Variants in KCNH7 observed in about 807,000 individuals in gnomAD.
The protein encoded by KCNH7 is voltage-gated inwardly rectifying potassium channel KCNH7.
A neutral mutation model predicts 120.8 loss-of-function variants in KCNH7; 49 were observed. That is an observed-to-expected ratio of 0.41 (90% CI 0.32 to 0.51). The LOEUF is 0.51. Ranked by LOEUF, KCNH7 falls within the 20% of genes least tolerant of loss-of-function variation. The pLI is 0.38. For missense variants in KCNH7, 1,097 were observed against 1,446.6 expected (o/e 0.76, Z 3.92); for synonymous variants, 547 against 516.1 (o/e 1.06, Z -0.81).
intron 2 of KCNH7, among the ~76,000 whole-genome samples, chr2:162,577,132 C>T (rs897210191): frequency 2.0e-5 from 3 of 151,788 alleles, no homozygotes; most frequent in African/African-American, 7.3e-5. Context: ...GTTGTTCAGG[C>T]TGTTCCTGAA....
At chr2:162,825,750 T>G (rs948870235) in intron 2 of KCNH7, among the ~76,000 whole-genome samples, 2 of 152,058 alleles carry the variant, frequency 1.3e-5, no homozygotes, top group African/African-American at 2.4e-5. Flanking sequence ...AAATTTTATG[T>G]AATCATTAAA....
intron 13 of KCNH7, among the ~76,000 whole-genome samples, chr2:162,382,536 T>C (rs1263916391): frequency 6.6e-6 from 1 of 152,056 alleles, no homozygotes; most frequent in Admixed American, 6.6e-5. Context: ...AGTAGACAAT[T>C]TTCCTAGAGT....
chr2:162,787,523 A>G (rs1683756452), intron 2 of KCNH7, among the ~76,000 whole-genome samples: 1 of 152,092 alleles, frequency 6.6e-6, no homozygotes, highest in African/African-American at 2.4e-5. Flanking sequence ...TGGATCTTGG[A>G]CCCAGGTCCA....
At chr2:162,645,303 A>C (rs1235074764) in intron 2 of KCNH7, among the ~76,000 whole-genome samples, 1 of 152,054 alleles carries the variant, frequency 6.6e-6, no homozygotes, top group Non-Finnish European at 1.5e-5. Context: ...ACGTGCCACC[A>C]TACCCAGCTA....
chr2:162,608,975 A>G (rs969318858), intron 2 of KCNH7, among the ~76,000 whole-genome samples: 1 of 152,214 alleles, frequency 6.6e-6, no homozygotes, highest in Admixed American at 6.5e-5. Flanking sequence ...AACACTTATA[A>G]TAACAGACCA....
chr2:162,397,341 G>C (rs115748912), intron 10 of KCNH7, among the ~76,000 whole-genome samples: 20 of 151,818 alleles, frequency 1.3e-4, no homozygotes, highest in African/African-American at 4.3e-4. Context: ...TTTCTGTCTC[G>C]GGATGGTCTC....
chr2:162,626,401 G>T (rs1010790656), intron 2 of KCNH7, among the ~76,000 whole-genome samples: 1 of 152,064 alleles, frequency 6.6e-6, no homozygotes, highest in South Asian at 2.1e-4. Flanking sequence ...TTTGAAAATG[G>T]AAGATACTGC....
chr2:162,552,964 T>G (rs1167292237), intron 2 of KCNH7, among the ~76,000 whole-genome samples: 1 of 152,206 alleles, frequency 6.6e-6, no homozygotes, highest in African/African-American at 2.4e-5. Context: ...CAGCCCGACT[T>G]CTGACCTACA....
chr2:162,666,572 C>T (rs951399819), intron 2 of KCNH7, among the ~76,000 whole-genome samples: 1 of 152,062 alleles, frequency 6.6e-6, no homozygotes, highest in Non-Finnish European at 1.5e-5. Flanking sequence ...TTCTTTTTCT[C>T]CCACACCTCA....
At chr2:162,606,412 C>T (rs1682775737) in intron 2 of KCNH7, among the ~76,000 whole-genome samples, 1 of 152,068 alleles carries the variant, frequency 6.6e-6, no homozygotes, top group Non-Finnish European at 1.5e-5. Context: ...TTGATTTAAC[C>T]AGCAGTAAAT....
chr2:162,553,824 G>A (rs1692767119), intron 2 of KCNH7, among the ~76,000 whole-genome samples: 1 of 152,096 alleles, frequency 6.6e-6, no homozygotes, highest in African/African-American at 2.4e-5. Flanking sequence ...AACAGACAAG[G>A]TCCCCACATG....
In KCNH7 at chr2:162,400,250, A is replaced by C; in HGVS notation, c.2346T>G (p.Leu782=). The change falls in exon 10 of 16, where the codon CTT becomes CTG. Residue 782 remains leucine, a synonymous_variant. Transcript: ENST00000332142. ...CAATGGAGCCTCTGGATAAGAAATA[A>C]AGTGCAGTGAGGACATCCCCACAGT... ...LVHCGDVLTA[L]YFLSRGSIEI... is the part of the protein sequence containing the mutation. 1 of 1,612,308 alleles carries C rather than the reference A, an allele frequency of 6.2e-7. No individual in the cohort carries two copies. Among genetic ancestry groups the C allele is most frequent in the Non-Finnish European group, 8.5e-7 (1 of 1,178,914 alleles).
intron 3 of KCNH7, among the ~76,000 whole-genome samples, chr2:162,535,726 C>A (rs187330750): frequency 6.6e-6 from 1 of 151,528 alleles, no homozygotes; most frequent in Non-Finnish European, 1.5e-5. Flanking sequence ...CAAAAAATAA[C>A]CTCAACCTTC....
At chr2:162,651,577 C>T (rs1041434140) in intron 2 of KCNH7, among the ~76,000 whole-genome samples, 1 of 152,012 alleles carries the variant, frequency 6.6e-6, no homozygotes, top group Admixed American at 6.6e-5. Context: ...TGTATATGTT[C>T]TACATTTTCT....
rs1026442472 is a variant in KCNH7 at position 162,654,414 on chromosome 2, C to T, written c.308-117334G>A. ...TGAAAAAATGTCCAACATCACTAATCATCAGAGAAAGGCAAATTAAACCCA... is the reference window on the plus strand; with the variant it reads ...TGAAAAAATGTCCAACATCACTAATTATCAGAGAAAGGCAAATTAAACCCA... On this transcript the variant is annotated intron_variant, in intron 2 of 15. Transcript: ENST00000332142. Among the ~76,000 whole-genome samples the T allele has an allele frequency of 1.1e-4, 17 of 150,988 alleles. 1 individual carries two copies. The East Asian group carries it at 2.1e-3, about 19-fold the overall frequency.
chr2:162,389,354 T>G (rs1189743585), intron 12 of KCNH7, among the ~76,000 whole-genome samples: 3 of 151,988 alleles, frequency 2.0e-5, no homozygotes, highest in African/African-American at 7.2e-5. Flanking sequence ...CTTTTGACAT[T>G]GCTAAGGCTA....
At position 162,818,541 on chromosome 2, in the gene KCNH7, AT is replaced by A. The variant is rs568376435; in HGVS notation, c.307+17995del. 5.8e-3 allele frequency among the ~76,000 whole-genome samples: 880 copies of A among 152,048 alleles called. 11 individuals are homozygous for A. The highest frequency in any genetic ancestry group is 0.02 in the African/African-American group (827 of 41,494). On this transcript the variant is annotated intron_variant, in intron 2 of 15. Coordinates refer to ENST00000332142, the MANE Select transcript of KCNH7 (RefSeq NM_033272.4). ...GAGTCTTCAAATTGTGTTCTTTTCCATGTTTCTTTGGGTTATTCTAGATTCT... is the reference window on the plus strand; with the variant it reads ...GAGTCTTCAAATTGTGTTCTTTTCCAGTTTCTTTGGGTTATTCTAGATTCT...
intron 6 of KCNH7, among the ~76,000 whole-genome samples, chr2:162,456,499 A>G (rs1035983953): frequency 6.6e-6 from 1 of 151,974 alleles, no homozygotes; most frequent in Non-Finnish European, 1.5e-5. Flanking sequence ...TGGGGTGGAG[A>G]GTTCTGTAGA....
At chr2:162,495,271 T>C (rs1269779625) in intron 6 of KCNH7, among the ~76,000 whole-genome samples, 1 of 152,156 alleles carries the variant, frequency 6.6e-6, no homozygotes, top group African/African-American at 2.4e-5. Flanking sequence ...AACTTTGGCC[T>C]CATACCTTGT....
Sources: gnomAD v4.1 joint callset for allele counts (sites outside exome capture counted in the v4.1 genomes callset) on GRCh38, gnomAD v4.1.1 for gene constraint, MANE v1.5 for transcripts, NCBI Gene and HGNC (gene_info 2026-07-23, HGNC 2026-07-21) for gene names.